Variants in CCDC148 observed in about 807,000 individuals in gnomAD.
CCDC148 encodes the protein coiled-coil domain containing 148.
A neutral mutation model predicts 85.7 loss-of-function variants in CCDC148; 89 were observed. That is an observed-to-expected ratio of 1.04 (90% CI 0.87 to 1.24). CCDC148 has a LOEUF of 1.24. CCDC148 is among the 50% of genes most tolerant of loss of function. The pLI is 0.00. For synonymous variants in CCDC148, 230 were observed against 213.9 expected (o/e 1.08, Z -0.66); for missense variants, 692 against 671.7 (o/e 1.03, Z -0.33).
intron 1 of CCDC148, among the ~76,000 whole-genome samples, chr2:158,435,817 G>C (rs952291375): frequency 6.6e-6 from 1 of 152,092 alleles, no homozygotes; most frequent in African/African-American, 2.4e-5. Context: ...AAAAAGCAGG[G>C]GTTGCAATCC....
rs139342953 is a variant in CCDC148, at chr2:158,351,057, A to C, written c.148-5739T>G. ...CCAATTCCAAAATCACTTCCTCAGA[A>C]AAGCCTTCCCTAACCACTCAGTGAA... On this transcript the variant is annotated intron_variant, in intron 2 of 13. Transcript: ENST00000283233. 1.8e-3 allele frequency among the ~76,000 whole-genome samples: 281 copies of C among 152,282 alleles called. 4 individuals carry two copies. Among genetic ancestry groups the C allele is most frequent in the Admixed American group, 0.016 (250 of 15,292 alleles).
intron 7 of CCDC148, among the ~76,000 whole-genome samples, chr2:158,334,101 A>G (rs1291894799): frequency 6.6e-6 from 1 of 152,150 alleles, no homozygotes; most frequent in Non-Finnish European, 1.5e-5. Context: ...CTCCTGGAGT[A>G]AAACTCACAA....
chr2:158,432,399 A>G (rs1687397298), intron 1 of CCDC148, among the ~76,000 whole-genome samples: 2 of 152,196 alleles, frequency 1.3e-5, no homozygotes, highest in Admixed American at 6.5e-5. Context: ...ATACAAACAA[A>G]AGTATGGGTA....
At chr2:158,312,177 C>T (rs543302640) in intron 8 of CCDC148, among the ~76,000 whole-genome samples, 171 of 152,314 alleles carry the variant, frequency 1.1e-3, no homozygotes, top group African/African-American at 4.0e-3. Flanking sequence ...AGTAAAACCA[C>T]TTACTTGGTC....
chr2:158,322,761 T>C (rs1049137957), intron 7 of CCDC148, among the ~76,000 whole-genome samples: 1 of 152,076 alleles, frequency 6.6e-6, no homozygotes, highest in Non-Finnish European at 1.5e-5. Context: ...GCATCAGCAA[T>C]GTACATACAG....
chr2:158,193,891 T>C (rs1685538715), intron 11 of CCDC148, among the ~76,000 whole-genome samples: 1 of 119,944 alleles, frequency 8.3e-6, no homozygotes, highest in Non-Finnish European at 1.6e-5. Flanking sequence ...CAGTGTGTGA[T>C]GTTCCCCCTT....
chr2:158,242,448 A>C (rs1322645290), intron 10 of CCDC148, among the ~76,000 whole-genome samples: 1 of 152,148 alleles, frequency 6.6e-6, no homozygotes, highest in Non-Finnish European at 1.5e-5. Flanking sequence ...CACAGACACA[A>C]ACACTGAAAT....
At chr2:158,406,397 G>C (rs985329200) in intron 1 of CCDC148, among the ~76,000 whole-genome samples, 6 of 152,000 alleles carry the variant, frequency 3.9e-5, no homozygotes, top group Admixed American at 1.3e-4. Context: ...CCTAGTGGGG[G>C]GCTGGGCCTG....
chr2:158,313,710 C>T (rs1166959760), intron 8 of CCDC148, 46 bp downstream of exon 8: 1 of 1,560,546 alleles, frequency 6.4e-7, no homozygotes, highest in East Asian at 2.3e-5. Flanking sequence ...TTATTGACTA[C>T]TAAAACAATT....
chr2:158,374,554 C>A (rs1684578853), intron 1 of CCDC148, among the ~76,000 whole-genome samples: 1 of 151,844 alleles, frequency 6.6e-6, no homozygotes, highest in Non-Finnish European at 1.5e-5. Flanking sequence ...AGCCTAAATG[C>A]CCACACGTAG....
At chr2:158,279,725 T>A (rs1200886813) in intron 9 of CCDC148, among the ~76,000 whole-genome samples, 1 of 152,008 alleles carries the variant, frequency 6.6e-6, no homozygotes, top group African/African-American at 2.4e-5. Flanking sequence ...CAGGAGAACT[T>A]CCCCAATCTA....
intron 7 of CCDC148, among the ~76,000 whole-genome samples, chr2:158,322,203 T>C (rs1449465898): frequency 2.6e-5 from 4 of 152,130 alleles, no homozygotes; most frequent in Non-Finnish European, 4.4e-5. Flanking sequence ...GGTGACAAAA[T>C]TGTCTATTCC....
chr2:158,311,565 A>G (rs1021066046), intron 8 of CCDC148, among the ~76,000 whole-genome samples: 3 of 152,164 alleles, frequency 2.0e-5, no homozygotes, highest in African/African-American at 7.2e-5. Context: ...AACCACTTTC[A>G]TTTCTAAATG....
chr2:158,236,961 T>C (rs749176636), intron 10 of CCDC148, among the ~76,000 whole-genome samples: 5 of 152,076 alleles, frequency 3.3e-5, no homozygotes, highest in African/African-American at 4.8e-5. Flanking sequence ...TGAAGCAGGA[T>C]AAATAGATAG....
chr2:158,382,458 T>TA (rs991813549), intron 1 of CCDC148, among the ~76,000 whole-genome samples: 9 of 152,142 alleles, frequency 5.9e-5, no homozygotes, highest in African/African-American at 2.2e-4. Context: ...GAAATGTGTA[T>TA]AAGGCAAAGG....
intron 11 of CCDC148, among the ~76,000 whole-genome samples, chr2:158,209,455 T>C (rs1408708553): frequency 6.6e-6 from 1 of 152,228 alleles, no homozygotes; most frequent in African/African-American, 2.4e-5. Context: ...GTTGCCTCCA[T>C]ATCACTCACA....
rs565178469 is a variant in CCDC148 at position 158,343,385 on chromosome 2, G to A, written c.251+1830C>T. Among the ~76,000 whole-genome samples the A allele has an allele frequency of 4.2e-3, 639 of 152,286 alleles. 8 individuals are homozygous for A. Among genetic ancestry groups the A allele is most frequent in the South Asian group, 0.028 (134 of 4,826 alleles). On this transcript the variant is annotated intron_variant, in intron 3 of 13. Coordinates refer to ENST00000283233, the MANE Select transcript of CCDC148 (RefSeq NM_138803.4). ...TTAACTTTCATCATCTGAGACTCAA[G>A]ATTCTCATCTGTAAAACTGAGAGAG...
intron 1 of CCDC148, among the ~76,000 whole-genome samples, chr2:158,393,663 C>T (rs1204608843): frequency 6.6e-6 from 1 of 152,038 alleles, no homozygotes; most frequent in Non-Finnish European, 1.5e-5. Flanking sequence ...GCCAAGAACA[C>T]CGATGGCTTC....
intron 1 of CCDC148, among the ~76,000 whole-genome samples, chr2:158,416,097 C>T (rs1686487717): frequency 6.6e-6 from 1 of 152,248 alleles, no homozygotes; most frequent in Admixed American, 6.5e-5. Context: ...TTGTGGCTTA[C>T]ACCCTCTGGA....
Sources: gnomAD v4.1 joint callset for allele counts (sites outside exome capture counted in the v4.1 genomes callset) on GRCh38, gnomAD v4.1.1 for gene constraint, MANE v1.5 for transcripts, NCBI Gene and HGNC (gene_info 2026-07-23, HGNC 2026-07-21) for gene names.